SYNGR3: variants seen among roughly 807,000 people sequenced by gnomAD.
SYNGR3 encodes synaptogyrin 3.
SYNGR3 carries 10 observed loss-of-function variants against 18.5 expected under a neutral mutation model. The observed-to-expected ratio is 0.54, with a 90% CI of 0.33 to 0.92. SYNGR3 has a LOEUF of 0.92. Ranked by LOEUF, SYNGR3 falls within the 40% of genes least tolerant of loss-of-function variation. The probability of loss-of-function intolerance (pLI) is 0.02; values close to 1 mark genes in which losing one functional copy is unlikely to be tolerated. For synonymous variants in SYNGR3, 188 were observed against 157.2 expected (o/e 1.20, Z -1.47); for missense variants, 335 against 332.8 (o/e 1.01, Z -0.05).
chr16:1,990,458 C>T (rs1280337313), intron 1 of SYNGR3: 1 of 548,638 alleles, frequency 1.8e-6, no homozygotes, highest in Admixed American at 2.5e-5. Flanking sequence ...CGCCTCTACC[C>T]CTACCTCCTC....
rs758045910 is a variant in SYNGR3 at position 1,992,762 on chromosome 16, T to G, written c.464T>G (p.Phe155Cys). ...CGGGCCGCCATCGCCTTCAGCTTCT[T>G]CTCCATCCTCAGCTGGGTGAGTGCG... ...AARAAIAFSF[F>C]SILSWVALTV... Residue 155 changes from phenylalanine to cysteine, a missense_variant, in exon 3 of 4, where the codon TTC (phenylalanine) becomes TGC (cysteine). Physicochemically the swap from Phe to Cys is radical, Grantham distance 205. Transcript: ENST00000248121. The G allele has an allele frequency of 6.4e-7, 1 of 1,572,132 alleles. No homozygotes were observed. The highest frequency in any genetic ancestry group is 8.6e-7 in the Non-Finnish European group (1 of 1,163,290).
chr16:1,992,711 C>A lies in SYNGR3; in HGVS notation c.413C>A (p.Ala138Asp). The change falls in exon 3 of 4, where the codon GCC becomes GAC. Residue 138 changes from alanine to aspartate, a missense_variant. Physicochemically the swap from Ala to Asp is moderately radical, Grantham distance 126 (BLOSUM62 -2). Transcript: ENST00000248121. The part of the protein sequence containing the change: ...NQWQRTAPGP[A>D]TTQAGDAARA... Reference sequence around the variant, plus strand: ...TGGCAGCGCACGGCGCCAGGGCCGGCCACGACGCAGGCGGGGGACGCGGCG... The same window carrying A: ...TGGCAGCGCACGGCGCCAGGGCCGGACACGACGCAGGCGGGGGACGCGGCG... The A allele has an allele frequency of 6.3e-7, 1 of 1,599,980 alleles. No homozygotes were observed. Among genetic ancestry groups the A allele is most frequent in the Non-Finnish European group, 8.5e-7 (1 of 1,176,024 alleles).
Position 1,993,501 on chromosome 16 carries a change from C to G in SYNGR3, c.*429C>G. 2.1e-6 allele frequency: 1 copy of G among 474,642 alleles called. No homozygotes were observed. The highest frequency in any genetic ancestry group is 2.0e-5 in the African/African-American group (1 of 50,948). The allele number at this position is 474,642 out of a possible 1,614,324, so 29.4% of individuals were successfully genotyped here. ...AGACTGGGGATCCTGGCCACTGTTCCCATCCCATGTCCCTGTGGGTAGTGA... is the reference window on the plus strand; with the variant it reads ...AGACTGGGGATCCTGGCCACTGTTCGCATCCCATGTCCCTGTGGGTAGTGA... On this transcript the variant is annotated 3_prime_UTR_variant, in exon 4 of 4. Coordinates refer to ENST00000248121, the MANE Select transcript of SYNGR3 (RefSeq NM_004209.6).
chr16:1,991,270 C>T (rs1047702302), intron 1 of SYNGR3: 2 of 152,370 alleles, frequency 1.3e-5, no homozygotes, highest in African/African-American at 4.8e-5. Context: ...TATTAATAAT[C>T]AGTCACGTGG....
Position 1,993,074 on chromosome 16 carries a change from G to A in SYNGR3, c.*2G>A. On this transcript the variant is annotated 3_prime_UTR_variant, in exon 4 of 4. Transcript: ENST00000248121. The stretch of plus-strand genomic sequence containing the variant: ...GGGTACCAGGTGCCCGCCTACTAGC[G>A]GCTGGCAGGCACAGACCAGGGCTCC... The A allele has an allele frequency of 1.2e-6, 2 of 1,606,640 alleles. No homozygotes were observed. Among genetic ancestry groups the A allele is most frequent in the African/African-American group, 2.7e-5 (2 of 74,786 alleles).
At position 1,994,111 on chromosome 16, in the gene SYNGR3, T is replaced by C. The variant is rs2083619082; in HGVS notation, c.*1039T>C. The C allele has an allele frequency of 6.2e-6, 1 of 161,562 alleles. No individual in the cohort carries two copies. The highest frequency in any genetic ancestry group is 1.4e-5 in the Non-Finnish European group (1 of 72,932). 10.0% of individuals were successfully genotyped at this position (161,562 alleles called of 1,614,324 possible). On this transcript the variant is annotated 3_prime_UTR_variant, in exon 4 of 4. Coordinates refer to ENST00000248121, the MANE Select transcript of SYNGR3 (RefSeq NM_004209.6). ...CAGTTGAGTGACAACCTTGTTACAT[T>C]GTAGCCTAGACCAATTCTGTGTGGA...
At position 1,990,097 on chromosome 16, in the gene SYNGR3, C is replaced by T; in HGVS notation, c.-6C>T. 8.3e-7 allele frequency: 1 copy of T among 1,201,136 alleles called. No individual in the cohort carries two copies. The highest frequency in any genetic ancestry group is 1.0e-6 in the Non-Finnish European group (1 of 966,596). The allele number at this position is 1,201,136 out of a possible 1,614,324, so 74.4% of individuals were successfully genotyped here. A position where few individuals can be genotyped will look rare whatever the true frequency, so the allele number is the denominator to read the frequency against. ...GCCAGGGGCGCGCGTCCCGCCCGGG[C>T]CGGCCATGGAGGGCGCCTCCTTCGG... On this transcript the variant is annotated 5_prime_UTR_variant, in exon 1 of 4. Coordinates refer to ENST00000248121, the MANE Select transcript of SYNGR3 (RefSeq NM_004209.6).
rs1236374828 is a variant in SYNGR3 at position 1,992,769 on chromosome 16, C to T, written c.471C>T (p.Ile157=). ...CCATCGCCTTCAGCTTCTTCTCCAT[C>T]CTCAGCTGGGTGAGTGCGGGGCCCG... The part of the protein sequence containing the change: ...RAAIAFSFFS[I]LSWVALTVKA... Residue 157 remains isoleucine (I), a synonymous_variant, in exon 3 of 4, where the codon ATC becomes ATT. Coordinates refer to ENST00000248121, the MANE Select transcript of SYNGR3 (RefSeq NM_004209.6). The T allele has an allele frequency of 1.3e-6, 2 of 1,567,712 alleles. No individual in the cohort carries two copies. The highest frequency in any genetic ancestry group is 1.2e-5 in the South Asian group (1 of 86,652).
rs749173973 is a variant in SYNGR3 at position 1,992,198 on chromosome 16, C to G, written c.324C>G (p.Asp108Glu). Reference protein sequence around the residue: ...VRDRRRAVLLDLGFSGLWSFL... With the variant: ...VRDRRRAVLLELGFSGLWSFL... The stretch of plus-strand genomic sequence containing the variant: ...ACCGCCGGCGCGCGGTGTTGCTGGA[C>G]CTGGGCTTCTCAGGTGGGCGGGGCC... Residue 108 changes from aspartate to glutamate, a missense_variant, in exon 2 of 4, where the codon GAC becomes GAG. Asp to Glu is a conservative substitution (Grantham distance 45). Coordinates refer to ENST00000248121, the MANE Select transcript of SYNGR3 (RefSeq NM_004209.6). 6.4e-5 allele frequency: 79 copies of G among 1,234,928 alleles called. No homozygotes were observed. Among genetic ancestry groups the G allele is most frequent in the Non-Finnish European group, 7.2e-5 (70 of 974,374 alleles). The allele number at this position is 1,234,928 out of a possible 1,614,324, so 76.5% of individuals were successfully genotyped here. A position where few individuals can be genotyped will look rare whatever the true frequency, so the allele number is the denominator to read the frequency against.
Position 1,993,060 on chromosome 16 carries a change from G to T in SYNGR3, c.678G>T (p.Val226=). The T allele has an allele frequency of 6.2e-7, 1 of 1,610,582 alleles. No individual in the cohort carries two copies. The highest frequency in any genetic ancestry group is 8.5e-7 in the Non-Finnish European group (1 of 1,179,148). ...ACACCAGCCCCAAAGGGTACCAGGT[G>T]CCCGCCTACTAGCGGCTGGCAGGCA... ...TLDTSPKGYQ[V]PAY Residue 226 remains valine, a synonymous_variant, in exon 4 of 4, where the codon GTG becomes GTT. Transcript: ENST00000248121.
chr16:1,990,450 C>T (rs1480584166), intron 1 of SYNGR3: 1 of 538,062 alleles, frequency 1.9e-6, no homozygotes, highest in Non-Finnish European at 3.5e-6. Context: ...CCGCCGGTCG[C>T]CTCTACCCCT....
Position 1,992,504 on chromosome 16 carries a change from G to A in SYNGR3, c.338-132G>A, listed in dbSNP as rs935824011. On this transcript the variant is annotated intron_variant, in intron 2 of 3. Transcript: ENST00000248121. ...CGGGGTCAGCGCAGGAGAGGGAGGC[G>A]GGACCTCGCGCCACGCGGCGAGCCC... 2.1e-5 allele frequency: 26 copies of A among 1,238,752 alleles called. No individual in the cohort carries two copies. In the East Asian group the frequency reaches 4.6e-4, roughly 22 times the overall value. 76.7% of individuals were successfully genotyped at this position (1,238,752 alleles called of 1,614,324 possible). A position where few individuals can be genotyped will look rare whatever the true frequency, so the allele number is the denominator to read the frequency against.
rs2083613873 is a variant in SYNGR3 at position 1,993,077 on chromosome 16, T to C, written c.*5T>C. 6.2e-7 allele frequency: 1 copy of C among 1,605,434 alleles called. No individual in the cohort carries two copies. The highest frequency in any genetic ancestry group is 8.5e-7 in the Non-Finnish European group (1 of 1,177,188). On this transcript the variant is annotated 3_prime_UTR_variant, in exon 4 of 4. Transcript: ENST00000248121. ...TACCAGGTGCCCGCCTACTAGCGGC[T>C]GGCAGGCACAGACCAGGGCTCCAAG...
chr16:1,992,257 CGGGGAGGG>C, intron 2 of SYNGR3, 46 bp downstream of exon 2: 1 of 24,536 alleles, frequency 4.1e-5, no homozygotes, highest in Non-Finnish European at 6.8e-5. Context: ...TCCGGGTGGG[CGGGGAGGG>C]GGCGGGGCCT....
rs752480163 is a variant in SYNGR3, at chr16:1,992,849, C to G, written c.481-14C>G. 15 of 1,538,660 alleles carry G rather than the reference C, an allele frequency of 9.7e-6. No individual in the cohort carries two copies. The Admixed American group carries it at 1.4e-4, about 14-fold the overall frequency. ...GCTGATCCCGGCTGACCCCGCTGAC[C>G]CCGCCCCGCGCAGGTGGCGCTCACC... On this transcript the variant is annotated splice_polypyrimidine_tract_variant and intron_variant, in intron 3 of 3. Coordinates refer to ENST00000248121, the MANE Select transcript of SYNGR3 (RefSeq NM_004209.6).
chr16:1,992,626 C>T lies in SYNGR3; in HGVS notation c.338-10C>T. ...TGGAGCGTCGCCCTGACGCGCCGCA[C>T]TGTTCGCAGGACTCTGGTCCTTCCT... On this transcript the variant is annotated splice_polypyrimidine_tract_variant and intron_variant, in intron 2 of 3. Coordinates refer to ENST00000248121, the MANE Select transcript of SYNGR3 (RefSeq NM_004209.6). 1 of 1,598,044 alleles carries T rather than the reference C, an allele frequency of 6.3e-7. No individual in the cohort carries two copies. The highest frequency in any genetic ancestry group is 8.5e-7 in the Non-Finnish European group (1 of 1,174,824).
chr16:1,991,367 C>G (rs1175039815), intron 1 of SYNGR3: 2 of 153,006 alleles, frequency 1.3e-5, no homozygotes, highest in Admixed American at 1.3e-4. Context: ...GCCCGTCACC[C>G]TATTTGCATG....
In SYNGR3 at chr16:1,993,368, G is replaced by A. The variant is rs906584026; in HGVS notation, c.*296G>A. On this transcript the variant is annotated 3_prime_UTR_variant, in exon 4 of 4. Coordinates refer to ENST00000248121, the MANE Select transcript of SYNGR3 (RefSeq NM_004209.6). ...CCTGGGGAAGGCTTTCCCCTCTTGG[G>A]CCACACCTGCTCACTCTGGGGTTGG... is the stretch of plus-strand genomic sequence containing the variant. 1.6e-6 allele frequency: 1 copy of A among 611,382 alleles called. No homozygotes were observed. Among genetic ancestry groups the A allele is most frequent in the South Asian group, 1.6e-5 (1 of 63,624 alleles). 37.9% of individuals were successfully genotyped at this position (611,382 alleles called of 1,614,324 possible).
At chr16:1,990,884 A>C (rs368179521) in intron 1 of SYNGR3, among the ~76,000 whole-genome samples, 2 of 152,342 alleles carry the variant, frequency 1.3e-5, no homozygotes, top group South Asian at 2.1e-4. Flanking sequence ...CCTGTCTTGG[A>C]GGAGGGCGGT....
Sources: gnomAD v4.1 joint callset for allele counts (sites outside exome capture counted in the v4.1 genomes callset) on GRCh38, gnomAD v4.1.1 for gene constraint, MANE v1.5 for transcripts, NCBI Gene and HGNC (gene_info 2026-07-23, HGNC 2026-07-21) for gene names.